PRIM2: variants seen among roughly 807,000 people sequenced by gnomAD.
The protein encoded by PRIM2 is DNA primase subunit 2.
A neutral mutation model predicts 67.3 loss-of-function variants in PRIM2; 39 were observed. The ratio of observed to expected loss-of-function variants is 0.58; its 90% CI spans 0.45 to 0.76. PRIM2 has a LOEUF of 0.76. Among genes scored for constraint, PRIM2 ranks in the 30% least tolerant of loss-of-function variants. PRIM2 has a pLI of 0.00. For missense variants in PRIM2, 398 were observed against 598.7 expected (o/e 0.66, Z 3.50); for synonymous variants, 143 against 198.7 (o/e 0.72, Z 2.36).
At chr6:57,480,237 C>T (rs1773581097) in intron 7 of PRIM2, among the ~76,000 whole-genome samples, 2 of 152,126 alleles carry the variant, frequency 1.3e-5, no homozygotes, top group African/African-American at 4.8e-5. Flanking sequence ...CAGTGGAAAA[C>T]TATGACTTTT....
the PRIM2 span, among the ~76,000 whole-genome samples, chr6:57,308,245 C>T: frequency 2.0e-5 from 3 of 152,032 alleles, no homozygotes. Flanking sequence ...ACCTCAGCCC[C>T]CAGAGTAGCT....
At chr6:57,567,657 A>T (rs1182118148) in intron 10 of PRIM2, among the ~76,000 whole-genome samples, 15 of 152,168 alleles carry the variant, frequency 9.9e-5, no homozygotes, top group African/African-American at 3.4e-4. Flanking sequence ...ATTGTGTAGT[A>T]TGTGAGAAAG....
At chr6:57,272,980 T>A in the PRIM2 span, among the ~76,000 whole-genome samples, 1 of 152,242 alleles carries the variant, frequency 6.6e-6, no homozygotes, top group Non-Finnish European at 1.5e-5. Context: ...CTTGTGGGGT[T>A]TCTGCTGAGA....
chr6:57,577,470 C>T (rs1775985108), intron 10 of PRIM2, among the ~76,000 whole-genome samples: 1 of 147,884 alleles, frequency 6.8e-6, no homozygotes, highest in Admixed American at 6.9e-5. Flanking sequence ...CACTCTGTCG[C>T]CCAGGCTGGA....
chr6:57,636,520 A>C (rs1777125293), intron 13 of PRIM2, among the ~76,000 whole-genome samples: 1 of 152,222 alleles, frequency 6.6e-6, no homozygotes. Context: ...CAAAGAACCC[A>C]TCCTAGAAGA....
chr6:57,414,057 A>C (rs1214926984), intron 7 of PRIM2, among the ~76,000 whole-genome samples: 1 of 152,100 alleles, frequency 6.6e-6, no homozygotes, highest in Admixed American at 6.5e-5. Context: ...TCATTTAGTT[A>C]AGGGGGAAAC....
At chr6:57,478,827 C>T (rs1273545513) in intron 7 of PRIM2, among the ~76,000 whole-genome samples, 12 of 152,088 alleles carry the variant, frequency 7.9e-5, no homozygotes, top group Non-Finnish European at 1.2e-4. Context: ...GAAAGATAAT[C>T]GATTAAACGA....
intron 10 of PRIM2, among the ~76,000 whole-genome samples, chr6:57,539,656 GTATATATA>G (rs1209100326): frequency 0.015 from 1,038 of 71,128 alleles, 16 homozygotes; most frequent in African/African-American, 0.063. Flanking sequence ...GTGTGTGTGT[GTATATATA>G]TATATATATG....
the PRIM2 span, among the ~76,000 whole-genome samples, chr6:57,253,562 A>C: frequency 1.3e-5 from 2 of 152,062 alleles, no homozygotes; most frequent in East Asian, 3.9e-4. Context: ...CAGCACTGAG[A>C]TCATGGAGCT....
chr6:57,426,515 G>A (rs1350312588), intron 7 of PRIM2, among the ~76,000 whole-genome samples: 4 of 152,210 alleles, frequency 2.6e-5, no homozygotes, highest in African/African-American at 9.6e-5. Context: ...GCCCTTAAGT[G>A]TGTGAAAAAG....
At chr6:57,323,261 T>G (rs1464308633) in intron 3 of PRIM2, among the ~76,000 whole-genome samples, 1 of 152,106 alleles carries the variant, frequency 6.6e-6, no homozygotes, top group East Asian at 1.9e-4. Context: ...CATAGTTGTG[T>G]TTTTTCTCCA....
At chr6:57,477,581 GACACA>G (rs1289435659) in intron 7 of PRIM2, among the ~76,000 whole-genome samples, 1 of 152,070 alleles carries the variant, frequency 6.6e-6, no homozygotes, top group Non-Finnish European at 1.5e-5. Flanking sequence ...ATGCCTTGTT[GACACA>G]TAATTTTTTC....
At chr6:57,518,512 T>C (rs1406166202) in intron 8 of PRIM2, among the ~76,000 whole-genome samples, 2 of 152,162 alleles carry the variant, frequency 1.3e-5, no homozygotes, top group African/African-American at 4.8e-5. Context: ...CCCCATTACT[T>C]ATAAGAATGG....
chr6:57,381,186 A>C lies in PRIM2; in HGVS notation c.556-845A>C, dbSNP rs1570082. 2.1e-3 allele frequency among the ~76,000 whole-genome samples: 311 copies of C among 149,306 alleles called. 9 individuals are homozygous for C. In the South Asian group the frequency reaches 0.045, roughly 22 times the overall value. On this transcript the variant is annotated intron_variant, in intron 6 of 13. Transcript: ENST00000615550. ...GGGACTGTGTTGCAGTTGTAGAAAT[A>C]GGTAAATTAATTGAAAGTTGTTAAA...
At chr6:57,480,416 A>C (rs1336323692) in intron 7 of PRIM2, among the ~76,000 whole-genome samples, 13 of 151,884 alleles carry the variant, frequency 8.6e-5, no homozygotes, top group Non-Finnish European at 1.8e-4. Context: ...AATAAAAAAA[A>C]CTAGGAAATT....
the PRIM2 span, among the ~76,000 whole-genome samples, chr6:57,238,098 C>G: frequency 6.6e-6 from 1 of 152,122 alleles, no homozygotes; most frequent in Non-Finnish European, 1.5e-5. Flanking sequence ...ACTTAGACTC[C>G]CACACAATAA....
chr6:57,278,721 A>T, the PRIM2 span, among the ~76,000 whole-genome samples: 2 of 152,050 alleles, frequency 1.3e-5, no homozygotes, highest in African/African-American at 4.8e-5. Context: ...AGAAAAAAGG[A>T]GTTATGGATG....
At chr6:57,284,018 C>G in the PRIM2 span, among the ~76,000 whole-genome samples, 1 of 152,086 alleles carries the variant, frequency 6.6e-6, no homozygotes, top group Non-Finnish European at 1.5e-5. Flanking sequence ...ATATTTCTTA[C>G]TCTCAAAAGT....
the PRIM2 span, among the ~76,000 whole-genome samples, chr6:57,271,883 T>G: frequency 6.6e-6 from 1 of 152,194 alleles, no homozygotes; most frequent in East Asian, 1.9e-4. Flanking sequence ...ATTTTGTTAT[T>G]TACCCAGTAG....
Sources: gnomAD v4.1 joint callset for allele counts (sites outside exome capture counted in the v4.1 genomes callset) on GRCh38, gnomAD v4.1.1 for gene constraint, MANE v1.5 for transcripts, NCBI Gene and HGNC (gene_info 2026-07-23, HGNC 2026-07-21) for gene names.